The following PIK3C2G variants were observed in gnomAD, a reference collection of about 807,000 sequenced individuals.
PIK3C2G encodes phosphatidylinositol-4-phosphate 3-kinase catalytic subunit type 2 gamma, also known as phosphatidylinositol 3-kinase C2 domain-containing subunit gamma.
In PIK3C2G, 168 loss-of-function variants were observed where a neutral mutation model predicts 181.1. The observed-to-expected ratio is 0.93, with a 90% CI of 0.82 to 1.05. The LOEUF (loss-of-function observed/expected upper bound fraction) is 1.05, where lower values mean the gene tolerates loss of function less well. Ranked by LOEUF, PIK3C2G falls within the 50% of genes least tolerant of loss-of-function variation. PIK3C2G has a pLI of 0.00. For missense variants in PIK3C2G, 1,869 were observed against 1,732.8 expected (o/e 1.08, Z -1.40); for synonymous variants, 573 against 592.2 (o/e 0.97, Z 0.47).
At chr12:18,708,694 C>T in the PIK3C2G span, among the ~76,000 whole-genome samples, 1 of 152,036 alleles carries the variant, frequency 6.6e-6, no homozygotes, top group Non-Finnish European at 1.5e-5. Context: ...TTTGATGAGA[C>T]CTTCTAACAT....
intron 18 of PIK3C2G, among the ~76,000 whole-genome samples, chr12:18,487,033 A>G (rs1940106438): frequency 6.6e-6 from 1 of 152,074 alleles, no homozygotes; most frequent in South Asian, 2.1e-4. Flanking sequence ...CTTAAAATGA[A>G]AAGAACCAAG....
At chr12:18,458,429 CT>C (rs1947741687) in intron 18 of PIK3C2G, among the ~76,000 whole-genome samples, 1 of 152,012 alleles carries the variant, frequency 6.6e-6, no homozygotes, top group Admixed American at 6.6e-5. Context: ...CTTGCAGATG[CT>C]CGTTGTATAT....
At chr12:18,492,743 GT>G (rs1940679801) in intron 20 of PIK3C2G, among the ~76,000 whole-genome samples, 1 of 152,054 alleles carries the variant, frequency 6.6e-6, no homozygotes, top group Non-Finnish European at 1.5e-5. Context: ...GGAGAAGAGT[GT>G]TTTTGTTTTT....
chr12:18,693,460 T>C, the PIK3C2G span: 2 of 1,606,460 alleles, frequency 1.2e-6, no homozygotes, highest in Non-Finnish European at 1.7e-6. Flanking sequence ...GTGGTCCACC[T>C]GGCACAGGTA....
chr12:18,673,713 G>T, the PIK3C2G span, among the ~76,000 whole-genome samples: 3 of 152,154 alleles, frequency 2.0e-5, no homozygotes, highest in African/African-American at 7.2e-5. Context: ...AGGCTACAAA[G>T]GGTCTGCAGT....
intron 13 of PIK3C2G, among the ~76,000 whole-genome samples, chr12:18,380,186 T>C (rs2137953709): frequency 6.6e-6 from 1 of 152,314 alleles, no homozygotes; most frequent in Middle Eastern, 3.4e-3. Flanking sequence ...GGGACGCCTA[T>C]GTCCGCCGTG....
At chr12:18,690,770 C>T in the PIK3C2G span, among the ~76,000 whole-genome samples, 2 of 152,064 alleles carry the variant, frequency 1.3e-5, no homozygotes, top group African/African-American at 4.8e-5. Flanking sequence ...AAAGAATGCT[C>T]TAGTCACAGG....
intron 29 of PIK3C2G, among the ~76,000 whole-genome samples, chr12:18,573,629 A>G (rs887052385): frequency 6.6e-6 from 1 of 152,176 alleles, no homozygotes; most frequent in African/African-American, 2.4e-5. Flanking sequence ...TAAAAAGCAA[A>G]TGTCTAGCTG....
chr12:18,692,349 A>G, the PIK3C2G span, among the ~76,000 whole-genome samples: 2 of 152,202 alleles, frequency 1.3e-5, no homozygotes, highest in Admixed American at 1.3e-4. Context: ...ACTGCTCATA[A>G]GTAAGTGGAG....
chr12:18,469,640 T>C (rs1385423101), intron 18 of PIK3C2G, among the ~76,000 whole-genome samples: 1 of 151,994 alleles, frequency 6.6e-6, no homozygotes, highest in Non-Finnish European at 1.5e-5. Context: ...TTTCTTCCAC[T>C]CCTCAAATTA....
intron 1 of PIK3C2G, among the ~76,000 whole-genome samples, chr12:18,270,109 C>G (rs1174083146): frequency 6.6e-6 from 1 of 151,656 alleles, no homozygotes; most frequent in Non-Finnish European, 1.5e-5. Context: ...AGGGTTTCAC[C>G]ACGTTCGTCA....
chr12:18,706,214 G>A, the PIK3C2G span, among the ~76,000 whole-genome samples: 38 of 150,858 alleles, frequency 2.5e-4, no homozygotes, highest in Non-Finnish European at 3.7e-4. Context: ...CCTGGGTGAC[G>A]GAATGAGACT....
At chr12:18,415,730 G>A (rs1360044717) in intron 16 of PIK3C2G, among the ~76,000 whole-genome samples, 1 of 152,170 alleles carries the variant, frequency 6.6e-6, no homozygotes, top group African/African-American at 2.4e-5. Flanking sequence ...AATTAGAAGT[G>A]CTATTCCAGT....
chr12:18,502,621 G>A (rs1230216880), intron 22 of PIK3C2G, among the ~76,000 whole-genome samples: 2 of 152,008 alleles, frequency 1.3e-5, no homozygotes, highest in African/African-American at 2.4e-5. Flanking sequence ...ATAACCTTAC[G>A]AGCACAATAA....
At chr12:18,357,610 ATTG>A (rs1245841649) in intron 11 of PIK3C2G, among the ~76,000 whole-genome samples, 1 of 152,212 alleles carries the variant, frequency 6.6e-6, no homozygotes, top group African/African-American at 2.4e-5. Flanking sequence ...ACATTAGCAT[ATTG>A]TTTCTTCTTT....
intron 31 of PIK3C2G, among the ~76,000 whole-genome samples, chr12:18,622,345 A>G (rs1352976236): frequency 6.6e-6 from 1 of 151,924 alleles, no homozygotes; most frequent in Non-Finnish European, 1.5e-5. Context: ...TACTTAGCGT[A>G]ATATTCTCCA....
chr12:18,664,389 T>C, the PIK3C2G span, among the ~76,000 whole-genome samples: 2 of 152,152 alleles, frequency 1.3e-5, no homozygotes, highest in Non-Finnish European at 2.9e-5. Flanking sequence ...GATACATAAA[T>C]GGATAAGGAA....
intron 20 of PIK3C2G, chr12:18,493,431 T>A (rs2136073538): frequency 6.6e-6 from 1 of 152,426 alleles, no homozygotes; most frequent in East Asian, 1.9e-4. Context: ...ATAAATATGA[T>A]AAGCATGGAA....
the PIK3C2G span, among the ~76,000 whole-genome samples, chr12:18,658,328 T>C: frequency 5.5e-4 from 84 of 152,256 alleles, no homozygotes; most frequent in Middle Eastern, 0.024. Flanking sequence ...ATGAATTACA[T>C]CCAAGAGGCT....
Sources: gnomAD v4.1 joint callset for allele counts (sites outside exome capture counted in the v4.1 genomes callset) on GRCh38, gnomAD v4.1.1 for gene constraint, MANE v1.5 for transcripts, NCBI Gene and HGNC (gene_info 2026-07-23, HGNC 2026-07-21) for gene names.